Variants in IP6K1 observed in about 807,000 individuals in gnomAD.
The protein encoded by IP6K1 is inositol hexakisphosphate kinase 1, also known as ATP:1D-myo-inositol-hexakisphosphate phosphotransferase.
IP6K1 carries 13 observed loss-of-function variants against 38.3 expected under a neutral mutation model. The ratio of observed to expected loss-of-function variants is 0.34; its 90% CI spans 0.22 to 0.54. The LOEUF is 0.54. Among genes scored for constraint, IP6K1 ranks in the 20% least tolerant of loss-of-function variants. The pLI is 0.92. For synonymous variants in IP6K1, 212 were observed against 229.9 expected, an observed-to-expected ratio of 0.92 and a Z score of 0.70; for missense variants, 397 against 599.8, an observed-to-expected ratio of 0.66 and a Z score of 3.53.
intron 3 of IP6K1, among the ~76,000 whole-genome samples, chr3:49,735,277 G>C (rs1170651683): frequency 6.6e-6 from 1 of 152,140 alleles, no homozygotes; most frequent in Admixed American, 6.6e-5. Flanking sequence ...GGATAGGAAG[G>C]CTTGAGCCCA....
Position 49,727,165 on chromosome 3 carries a change from T to C in IP6K1, c.1283A>G (p.Asn428Ser). The part of the protein sequence containing the change: ...PDRGYVFGLE[N>S]LISIMEQMRD... ...CATCTGTTCCATGATGCTGATGAGG[T>C]TCTCCAGGCCAAACACGTAGCCTCT... is the stretch of plus-strand genomic sequence containing the variant. Residue 428 changes from asparagine to serine, a missense_variant, in exon 6 of 6, where the codon AAC (asparagine) becomes AGC (serine). Asn to Ser is a conservative substitution (Grantham distance 46, BLOSUM62 1). Around this residue, in one of 3 missense-constraint regions of IP6K1, gnomAD observed 164 missense variants for 213.5 expected, o/e 0.77. Coordinates refer to ENST00000321599, the MANE Select transcript of IP6K1 (RefSeq NM_153273.4). The surrounding 1 kb of genome is among the most constrained non-coding windows in gnomAD (Gnocchi z 5.9). 4 of 1,613,818 alleles carry C rather than the reference T, an allele frequency of 2.5e-6. No homozygotes were observed. Among genetic ancestry groups the C allele is most frequent in the Non-Finnish European group, 2.5e-6 (3 of 1,179,828 alleles).
intron 1 of IP6K1, among the ~76,000 whole-genome samples, chr3:49,784,437 G>C (rs1338624313): frequency 1.3e-5 from 2 of 152,046 alleles, no homozygotes; most frequent in African/African-American, 4.8e-5. Flanking sequence ...AGGAGGTCAG[G>C]AGTTCGAGAT....
At chr3:49,736,507 A>G (rs2080613232) in intron 3 of IP6K1, among the ~76,000 whole-genome samples, 1 of 152,048 alleles carries the variant, frequency 6.6e-6, no homozygotes, top group Admixed American at 6.6e-5. Flanking sequence ...TTCATTTAAC[A>G]TAATGTTTTC....
intron 4 of IP6K1, among the ~76,000 whole-genome samples, chr3:49,728,724 C>T (rs190222983): frequency 3.3e-5 from 5 of 152,010 alleles, no homozygotes; most frequent in African/African-American, 9.7e-5. Context: ...TACAGGTGCC[C>T]GCCACTACAC....
chr3:49,769,924 A>G (rs1470259469), intron 1 of IP6K1, among the ~76,000 whole-genome samples: 1 of 152,214 alleles, frequency 6.6e-6, no homozygotes, highest in Admixed American at 6.5e-5. Context: ...TTGAAAACAG[A>G]TCCTCTAAGC....
chr3:49,768,951 C>A (rs532293048), intron 1 of IP6K1, among the ~76,000 whole-genome samples: 5 of 151,896 alleles, frequency 3.3e-5, no homozygotes, highest in African/African-American at 7.2e-5. Context: ...TGCATCATAC[C>A]CTTCAAAATA....
chr3:49,761,091 G>C (rs1326419725), intron 1 of IP6K1, among the ~76,000 whole-genome samples: 1 of 151,826 alleles, frequency 6.6e-6, no homozygotes, highest in Non-Finnish European at 1.5e-5. Flanking sequence ...CGAGGCGAAT[G>C]GATCACGAGG....
At chr3:49,743,862 C>T (rs1260945680) in intron 2 of IP6K1, among the ~76,000 whole-genome samples, 14 of 151,564 alleles carry the variant, frequency 9.2e-5, no homozygotes, top group African/African-American at 1.5e-4. Context: ...TCAGGTGATC[C>T]GCCTGCCTCG....
intron 1 of IP6K1, among the ~76,000 whole-genome samples, chr3:49,766,459 T>C (rs1047810404): frequency 3.3e-5 from 5 of 149,958 alleles, no homozygotes; most frequent in African/African-American, 1.2e-4. Flanking sequence ...AGGTCAGGAG[T>C]TCGAGACCAG....
chr3:49,749,344 G>A (rs1343675989), intron 1 of IP6K1, among the ~76,000 whole-genome samples: 3 of 152,168 alleles, frequency 2.0e-5, no homozygotes, highest in African/African-American at 4.8e-5. Flanking sequence ...ACAAGGAAAA[G>A]CTCCTTGTAC....
Position 49,783,578 on chromosome 3 carries a change from T to C in IP6K1, c.-129+2776A>G, listed in dbSNP as rs533344903. Reference sequence around the variant, plus strand: ...ATACAAAAAAATTGGCCGGGCATGGTGGCAGGTGCCTATAGTCCCAGCTAT... The same window carrying C: ...ATACAAAAAAATTGGCCGGGCATGGCGGCAGGTGCCTATAGTCCCAGCTAT... On this transcript the variant is annotated intron_variant, in intron 1 of 5. Coordinates refer to ENST00000321599, the MANE Select transcript of IP6K1 (RefSeq NM_153273.4). Among the ~76,000 whole-genome samples the C allele has an allele frequency of 4.4e-3, 672 of 152,010 alleles. 8 individuals are homozygous for C. Among genetic ancestry groups the C allele is most frequent in the Non-Finnish European group, 4.6e-3 (316 of 67,958 alleles).
At chr3:49,758,243 G>A (rs2080841094) in intron 1 of IP6K1, among the ~76,000 whole-genome samples, 1 of 150,792 alleles carries the variant, frequency 6.6e-6, no homozygotes, top group East Asian at 1.9e-4. Flanking sequence ...GAGCCTGGGA[G>A]GCGGAGGTTG....
chr3:49,745,349 C>A (rs547073338), intron 2 of IP6K1, among the ~76,000 whole-genome samples: 1 of 152,016 alleles, frequency 6.6e-6, no homozygotes. Flanking sequence ...AAGTAAAATC[C>A]CTGAGGTTAA....
chr3:49,785,773 T>A (rs1348488461), intron 1 of IP6K1: 1 of 152,234 alleles, frequency 6.6e-6, no homozygotes, highest in Admixed American at 6.5e-5. Context: ...ATTATGGACA[T>A]TTAACCAGGT....
chr3:49,737,229 A>G (rs985429602), intron 3 of IP6K1, among the ~76,000 whole-genome samples: 5 of 152,104 alleles, frequency 3.3e-5, no homozygotes, highest in Non-Finnish European at 7.4e-5. Flanking sequence ...CTTTTTGAAG[A>G]ACTGCTAAAT....
intron 1 of IP6K1, among the ~76,000 whole-genome samples, chr3:49,767,863 A>G (rs2080925478): frequency 6.6e-6 from 1 of 152,314 alleles, no homozygotes; most frequent in Non-Finnish European, 1.5e-5. Flanking sequence ...AAGTACTTGT[A>G]TAACTCGACA....
chr3:49,772,991 T>C (rs2080972794), intron 1 of IP6K1, among the ~76,000 whole-genome samples: 1 of 152,118 alleles, frequency 6.6e-6, no homozygotes, highest in Admixed American at 6.6e-5. Context: ...GCCCAGCTAA[T>C]TGTTTATTTT....
chr3:49,780,504 GTGCGTCTTTCCCCAGCTC>G (rs1447549332), intron 1 of IP6K1, among the ~76,000 whole-genome samples: 1 of 152,154 alleles, frequency 6.6e-6, no homozygotes, highest in Non-Finnish European at 1.5e-5. Context: ...AGAGTGTACT[GTGCGTCTTTCCCCAGCTC>G]TGCCCATCAC....
intron 2 of IP6K1, among the ~76,000 whole-genome samples, chr3:49,744,472 G>A (rs142398911): frequency 4.1e-5 from 6 of 146,654 alleles, no homozygotes; most frequent in African/African-American, 1.5e-4. Context: ...TCATATCCAT[G>A]TATTTATCAG....
Sources: gnomAD v4.1 joint callset for allele counts (sites outside exome capture counted in the v4.1 genomes callset) on GRCh38, gnomAD v4.1.1 for gene constraint, gnomAD v4.1.1 regional missense constraint, Gnocchi (gnomAD v3.1) non-coding constraint, MANE v1.5 for transcripts, NCBI Gene and HGNC (gene_info 2026-07-23, HGNC 2026-07-21) for gene names.